The following CTNNBL1 variants were observed in gnomAD, a reference collection of about 807,000 sequenced individuals.
The protein encoded by CTNNBL1 is catenin beta like 1.
A neutral mutation model predicts 72.7 loss-of-function variants in CTNNBL1; 31 were observed. That is an observed-to-expected ratio of 0.43 (90% confidence interval 0.32 to 0.58). The LOEUF is 0.58. Ranked by LOEUF, CTNNBL1 falls within the 20% of genes least tolerant of loss-of-function variation. The pLI is 0.08. For synonymous variants in CTNNBL1, 240 were observed against 267.3 expected, an observed-to-expected ratio of 0.90 and a Z score of 1.00; for missense variants, 534 against 725.1, an observed-to-expected ratio of 0.74 and a Z score of 3.03.
At chr20:37,786,471 G>A (rs922141686) in intron 10 of CTNNBL1, among the ~76,000 whole-genome samples, 2 of 152,032 alleles carry the variant, frequency 1.3e-5, no homozygotes, top group Admixed American at 1.3e-4. Context: ...GCACCAATTG[G>A]ATTTGTTTTT....
At chr20:37,845,151 TC>T (rs1340129204) in intron 13 of CTNNBL1, among the ~76,000 whole-genome samples, 2 of 152,182 alleles carry the variant, frequency 1.3e-5, no homozygotes, top group African/African-American at 4.8e-5. Context: ...GAGAGCGTCC[TC>T]CTTGCCAGAA....
rs368154050 is a variant in CTNNBL1 at position 37,859,940 on chromosome 20, G to A, written c.1434G>A (p.Glu478=). The A allele has an allele frequency of 7.4e-6, 12 of 1,614,088 alleles. No homozygotes were observed. The highest frequency in any genetic ancestry group is 1.0e-5 in the Non-Finnish European group (12 of 1,180,044). Residue 478 remains glutamate (E), a synonymous_variant, in exon 14 of 16, where the codon GAG becomes GAA. Coordinates refer to ENST00000361383, the MANE Select transcript of CTNNBL1 (RefSeq NM_030877.5). ...GAGAGATCATCGACAATGACACCGAGGAGGAGTTCTACCTCCGGCGCCTGG... is the reference window on the plus strand; with the variant it reads ...GAGAGATCATCGACAATGACACCGAAGAGGAGTTCTACCTCCGGCGCCTGG... ...RRGEIIDNDT[E]EEFYLRRLDA...
intron 5 of CTNNBL1, among the ~76,000 whole-genome samples, chr20:37,763,598 C>G (rs1471425780): frequency 6.6e-6 from 1 of 152,194 alleles, no homozygotes; most frequent in Non-Finnish European, 1.5e-5. Flanking sequence ...CCTACCATTG[C>G]CTGCCTCCTC....
chr20:37,781,559 A>G (rs1395646905), intron 10 of CTNNBL1, among the ~76,000 whole-genome samples: 1 of 152,168 alleles, frequency 6.6e-6, no homozygotes, highest in Non-Finnish European at 1.5e-5. Flanking sequence ...ATTCTTTGGC[A>G]TTAATTAGCT....
At chr20:37,790,758 T>C (rs1198046941) in intron 10 of CTNNBL1, among the ~76,000 whole-genome samples, 1 of 152,226 alleles carries the variant, frequency 6.6e-6, no homozygotes, top group Non-Finnish European at 1.5e-5. Flanking sequence ...CTCATAGCTA[T>C]TCATCATTCC....
At chr20:37,754,682 A>T (rs2073348228) in intron 4 of CTNNBL1, among the ~76,000 whole-genome samples, 1 of 152,174 alleles carries the variant, frequency 6.6e-6, no homozygotes, top group South Asian at 2.1e-4. Flanking sequence ...ATTAACCTGA[A>T]TGTAGCCGTG....
intron 11 of CTNNBL1, among the ~76,000 whole-genome samples, chr20:37,814,604 C>T (rs889928655): frequency 2.0e-5 from 3 of 152,140 alleles, no homozygotes; most frequent in Non-Finnish European, 4.4e-5. Context: ...TAGTTTCTAC[C>T]TTGACTGATC....
intron 7 of CTNNBL1, among the ~76,000 whole-genome samples, chr20:37,769,499 AT>A (rs1336099142): frequency 3.3e-5 from 5 of 152,186 alleles, no homozygotes; most frequent in African/African-American, 1.2e-4. Context: ...ATTTGTATTC[AT>A]GTCTTTTAGC....
chr20:37,797,572 T>C (rs929677080), intron 10 of CTNNBL1, among the ~76,000 whole-genome samples: 1 of 152,174 alleles, frequency 6.6e-6, no homozygotes, highest in Admixed American at 6.5e-5. Context: ...GACTTCATTA[T>C]TGGGCTTCAG....
intron 13 of CTNNBL1, among the ~76,000 whole-genome samples, chr20:37,858,568 A>C (rs992721983): frequency 4.0e-5 from 6 of 150,902 alleles, no homozygotes; most frequent in Non-Finnish European, 8.9e-5. Context: ...AAGTGTTCAC[A>C]GTGCCCAGGA....
chr20:37,787,344 T>G (rs974223268), intron 10 of CTNNBL1, among the ~76,000 whole-genome samples: 3 of 17,782 alleles, frequency 1.7e-4, no homozygotes, highest in Admixed American at 1.3e-3. Flanking sequence ...TAACTGTGTG[T>G]TTTTTTTTTT....
intron 10 of CTNNBL1, among the ~76,000 whole-genome samples, chr20:37,783,705 T>G (rs575982231): frequency 9.9e-5 from 15 of 152,246 alleles, no homozygotes; most frequent in Non-Finnish European, 2.1e-4. Flanking sequence ...TTTTTTCCAT[T>G]GTGATCAGAG....
At chr20:37,839,600 A>G (rs1227177009) in intron 11 of CTNNBL1, among the ~76,000 whole-genome samples, 4 of 152,130 alleles carry the variant, frequency 2.6e-5, no homozygotes, top group Admixed American at 6.6e-5. Flanking sequence ...TGAAGCGGGG[A>G]TGTTAGCTGC....
intron 10 of CTNNBL1, among the ~76,000 whole-genome samples, chr20:37,787,577 C>G (rs1304654086): frequency 2.6e-5 from 4 of 152,178 alleles, no homozygotes; most frequent in Non-Finnish European, 5.9e-5. Context: ...ATCTCCTGAC[C>G]TCGTGATCCG....
chr20:37,868,997 G>T (rs1448042857), intron 15 of CTNNBL1, among the ~76,000 whole-genome samples: 2 of 152,180 alleles, frequency 1.3e-5, no homozygotes, highest in Non-Finnish European at 2.9e-5. Context: ...GTGAGTAAGA[G>T]ATACCACTTA....
chr20:37,816,584 A>G lies in CTNNBL1; in HGVS notation c.1213+13536A>G, dbSNP rs6021105. On this transcript the variant is annotated intron_variant, in intron 11 of 15. Transcript: ENST00000361383. Reference sequence around the variant, plus strand: ...GAGAAAGTGATTTATATACTATAAAATTATGCACATATATGACATGGTAGT... The same window carrying G: ...GAGAAAGTGATTTATATACTATAAAGTTATGCACATATATGACATGGTAGT... Among the ~76,000 whole-genome samples the G allele has an allele frequency of 2.1e-4, 32 of 152,320 alleles. 2 individuals carry two copies. Among genetic ancestry groups the G allele is most frequent in the African/African-American group, 7.5e-4 (31 of 41,568 alleles).
chr20:37,750,201 C>G (rs1317372995), intron 4 of CTNNBL1: 2 of 152,238 alleles, frequency 1.3e-5, no homozygotes, highest in Non-Finnish European at 1.5e-5. Flanking sequence ...CTCTGCATCA[C>G]TGCTGCTGGT....
rs2122661691 is a variant in CTNNBL1 at position 37,765,304 on chromosome 20, T to G, written c.658+14T>G. On this transcript the variant is annotated intron_variant, in intron 6 of 15. Transcript: ENST00000361383. ...ACAACACTCTGGGTGAGAGGAAGGG[T>G]GCTTGCCATTGCCTGAGTTGCTTTG... 1 of 1,489,584 alleles carries G rather than the reference T, an allele frequency of 6.7e-7. No individual in the cohort carries two copies. Among genetic ancestry groups the G allele is most frequent in the African/African-American group, 1.4e-5 (1 of 71,980 alleles). 92.3% of individuals were successfully genotyped at this position (1,489,584 alleles called of 1,614,324 possible).
intron 1 of CTNNBL1, among the ~76,000 whole-genome samples, chr20:37,703,077 C>T (rs1299560338): frequency 6.6e-6 from 1 of 152,124 alleles, no homozygotes; most frequent in Non-Finnish European, 1.5e-5. Context: ...GCTACAAAAC[C>T]TATATTCTTT....
Sources: allele counts gnomAD v4.1 joint callset (sites outside exome capture counted in the v4.1 genomes callset), GRCh38; gene constraint gnomAD v4.1.1; transcripts MANE v1.5; gene names NCBI Gene and HGNC (gene_info 2026-07-23, HGNC 2026-07-21).